Variants in TBC1D22A observed in about 807,000 individuals in gnomAD.
TBC1D22A encodes the protein TBC1 domain family member 22A, also known as putative GTPase activator.
Under a neutral mutation model 60.2 loss-of-function variants are expected in TBC1D22A, and 38 were observed. The observed-to-expected ratio is 0.63, with a 90% CI of 0.49 to 0.83. The LOEUF (loss-of-function observed/expected upper bound fraction) is 0.83. Among genes scored for constraint, TBC1D22A ranks in the 40% least tolerant of loss-of-function variants. The pLI is 0.00. For missense variants in TBC1D22A, 628 were observed against 701.0 expected, an observed-to-expected ratio of 0.90 and a Z score of 1.18; for synonymous variants, 302 against 281.7, an observed-to-expected ratio of 1.07 and a Z score of -0.72.
intron 9 of TBC1D22A, among the ~76,000 whole-genome samples, chr22:46,977,363 T>A (rs1446077052): frequency 6.6e-6 from 1 of 152,114 alleles, no homozygotes; most frequent in African/African-American, 2.4e-5. Flanking sequence ...GCACCTGCCT[T>A]CTCTCTGCAG....
In TBC1D22A at chr22:47,096,914, G is replaced by C. The variant is rs544027578; in HGVS notation, c.1330-14594G>C. ...CCACTTTCTCCCCCACCCTCAGTTCGCGTGTGGTGTGCAACAGAGTCCAGT... is the reference window on the plus strand; with the variant it reads ...CCACTTTCTCCCCCACCCTCAGTTCCCGTGTGGTGTGCAACAGAGTCCAGT... On this transcript the variant is annotated intron_variant, in intron 11 of 12. Coordinates refer to ENST00000337137, the MANE Select transcript of TBC1D22A (RefSeq NM_014346.5). 1.6e-4 allele frequency among the ~76,000 whole-genome samples: 25 copies of C among 152,336 alleles called. No individual in the cohort carries two copies. The South Asian group carries it at 3.9e-3, about 24-fold the overall frequency.
At chr22:46,848,367 G>C in intron 4 of TBC1D22A, among the ~76,000 whole-genome samples, 1 of 152,232 alleles carries the variant, frequency 6.6e-6, no homozygotes, top group Non-Finnish European at 1.5e-5. Flanking sequence ...AGGCAGTGGA[G>C]AGCCAGCTAG....
At chr22:47,046,403 C>G (rs1289239655) in intron 11 of TBC1D22A, among the ~76,000 whole-genome samples, 1 of 152,160 alleles carries the variant, frequency 6.6e-6, no homozygotes, top group Non-Finnish European at 1.5e-5. Context: ...TGCTTTGGGC[C>G]CCAGAGTCCC....
At chr22:46,809,093 G>A (rs191910672) in intron 4 of TBC1D22A, among the ~76,000 whole-genome samples, 2 of 152,312 alleles carry the variant, frequency 1.3e-5, no homozygotes, top group East Asian at 3.9e-4. Context: ...CCACAGACTG[G>A]GTGGTTTATG....
intron 10 of TBC1D22A, among the ~76,000 whole-genome samples, chr22:47,012,881 T>C (rs2061795322): frequency 6.6e-6 from 1 of 152,186 alleles, no homozygotes; most frequent in South Asian, 2.1e-4. Flanking sequence ...CTTCCAGGCC[T>C]GTACTTAGCA....
chr22:46,868,866 C>T (rs1032455517), intron 4 of TBC1D22A, among the ~76,000 whole-genome samples: 20 of 152,226 alleles, frequency 1.3e-4, no homozygotes, highest in East Asian at 1.9e-4. Flanking sequence ...GTACCTGTCA[C>T]GTATAACTTG....
In TBC1D22A at chr22:47,015,206, T is replaced by C. The variant is rs1250416091; in HGVS notation, c.1201+17497T>C. ...CGGACATGGTGCTGAAGGTGGCCTA[T>C]GTCAGCCATGGGCTTGGTGATTTTG... On this transcript the variant is annotated intron_variant, in intron 10 of 12. Transcript: ENST00000337137. 2.6e-5 allele frequency among the ~76,000 whole-genome samples: 4 copies of C among 152,316 alleles called. No homozygotes were observed. The South Asian group carries it at 8.3e-4, about 32-fold the overall frequency.
chr22:47,017,602 G>A (rs2061951998), intron 10 of TBC1D22A, among the ~76,000 whole-genome samples: 1 of 152,178 alleles, frequency 6.6e-6, no homozygotes, highest in Admixed American at 6.5e-5. Flanking sequence ...GAGGGAGTGA[G>A]GTGGGGACAC....
At chr22:47,044,007 G>GTGCTGGGGA (rs1404724778) in intron 11 of TBC1D22A, among the ~76,000 whole-genome samples, 22 of 79,074 alleles carry the variant, frequency 2.8e-4, no homozygotes, top group East Asian at 8.1e-4. Context: ...AGCAGGGCAG[G>GTGCTGGGGA]GCTCCGCCTT....
At chr22:46,770,964 C>T (rs1034622411) in intron 1 of TBC1D22A, among the ~76,000 whole-genome samples, 2 of 152,250 alleles carry the variant, frequency 1.3e-5, no homozygotes, top group Admixed American at 6.5e-5. Flanking sequence ...CGCGGAAGAG[C>T]TGGTGGGTGA....
chr22:47,167,285 G>T (rs2068244093), intron 12 of TBC1D22A, among the ~76,000 whole-genome samples: 2 of 152,212 alleles, frequency 1.3e-5, no homozygotes, highest in Admixed American at 1.3e-4. Flanking sequence ...GGCACCAGAA[G>T]CCCCGTAGTG....
At chr22:47,120,985 G>T (rs1394488921) in intron 12 of TBC1D22A, among the ~76,000 whole-genome samples, 1 of 152,184 alleles carries the variant, frequency 6.6e-6, no homozygotes, top group Admixed American at 6.5e-5. Context: ...TTCAAAGGCA[G>T]TTGACAAAGT....
chr22:47,122,088 G>A (rs1208580315), intron 12 of TBC1D22A, among the ~76,000 whole-genome samples: 10 of 152,192 alleles, frequency 6.6e-5, no homozygotes, highest in Admixed American at 2.6e-4. Flanking sequence ...TGCCCTGCTC[G>A]TCTGGTGGAG....
chr22:46,880,797 G>A (rs576542717), intron 5 of TBC1D22A, among the ~76,000 whole-genome samples: 135 of 152,250 alleles, frequency 8.9e-4, no homozygotes, highest in African/African-American at 3.0e-3. Flanking sequence ...AGGGTGTGGA[G>A]ACTTGCAGTC....
chr22:46,798,797 C>T (rs1326629695), intron 4 of TBC1D22A, among the ~76,000 whole-genome samples: 5 of 152,228 alleles, frequency 3.3e-5, no homozygotes, highest in East Asian at 3.8e-4. Context: ...GTGGCGCACG[C>T]GGATGGGCCG....
At chr22:46,869,636 A>G (rs1209727343) in intron 4 of TBC1D22A, among the ~76,000 whole-genome samples, 1 of 152,234 alleles carries the variant, frequency 6.6e-6, no homozygotes, top group Admixed American at 6.5e-5. Context: ...ACATATGCGT[A>G]TTTTTGTAGA....
At chr22:46,831,739 C>T (rs1413538486) in intron 4 of TBC1D22A, among the ~76,000 whole-genome samples, 1 of 152,128 alleles carries the variant, frequency 6.6e-6, no homozygotes, top group Non-Finnish European at 1.5e-5. Flanking sequence ...GGAAACAATG[C>T]ACCTATAAAT....
intron 4 of TBC1D22A, among the ~76,000 whole-genome samples, chr22:46,811,489 A>G (rs558261661): frequency 5.6e-4 from 85 of 152,206 alleles, no homozygotes; most frequent in African/African-American, 2.0e-3. Flanking sequence ...TCTCTTAGGG[A>G]GGGACTCACT....
intron 4 of TBC1D22A, among the ~76,000 whole-genome samples, chr22:46,801,353 A>G (rs1020182720): frequency 6.6e-6 from 1 of 152,250 alleles, no homozygotes; most frequent in South Asian, 2.1e-4. Flanking sequence ...CCAATGTTGG[A>G]GAAGCAAATC....
Sources: allele counts gnomAD v4.1 joint callset (sites outside exome capture counted in the v4.1 genomes callset), GRCh38; gene constraint gnomAD v4.1.1; transcripts MANE v1.5; gene names NCBI Gene and HGNC (gene_info 2026-07-23, HGNC 2026-07-21).